Variants in KIF21A observed in about 807,000 individuals in gnomAD.
The protein encoded by KIF21A is kinesin family member 21A.
In KIF21A, 114 loss-of-function variants were observed where a neutral mutation model predicts 202.9. That is an observed-to-expected ratio of 0.56 (90% CI 0.48 to 0.66). The LOEUF (loss-of-function observed/expected upper bound fraction) is 0.66, where lower values mean the gene tolerates loss of function less well. Ranked by LOEUF, KIF21A falls within the 30% of genes least tolerant of loss-of-function variation. The pLI is 0.00. For missense variants in KIF21A, 1,677 were observed against 1,994.9 expected (o/e 0.84, Z 3.04); for synonymous variants, 667 against 670.8 (o/e 0.99, Z 0.09).
At chr12:39,301,353 TAAAAC>T in intron 37 of KIF21A, 122 bp downstream of exon 37, 1 of 868,440 alleles carries the variant, frequency 1.2e-6, no homozygotes. Context: ...TAAGACATCT[TAAAAC>T]AGACATTAGA....
intron 33 of KIF21A, among the ~76,000 whole-genome samples, 173 bp downstream of exon 33, chr12:39,309,413 T>G (rs572414089): frequency 2.4e-4 from 37 of 152,158 alleles, no homozygotes; most frequent in African/African-American, 8.4e-4. Context: ...TTGTCAAATT[T>G]TCCCCCCTCT....
At chr12:39,405,395 T>C (rs1952504294) in intron 1 of KIF21A, among the ~76,000 whole-genome samples, 2 of 152,042 alleles carry the variant, frequency 1.3e-5, no homozygotes, top group African/African-American at 4.8e-5. Context: ...TAATATTAAA[T>C]GCTATTTTTA....
chr12:39,374,870 C>T (rs1237522905), intron 1 of KIF21A, among the ~76,000 whole-genome samples: 1 of 152,124 alleles, frequency 6.6e-6, no homozygotes, highest in Non-Finnish European at 1.5e-5. Context: ...TTTCCCTATG[C>T]TGGCTTTTAA....
At position 39,318,138 on chromosome 12, in the gene KIF21A, A is replaced by C. The variant is rs758677158; in HGVS notation, c.3843T>G (p.Arg1281=). The C allele has an allele frequency of 6.2e-7, 1 of 1,613,562 alleles. No individual in the cohort carries two copies. ...SPPSSPPSRP[R]NELNVFNRLT... ...GACGATTAAAAACATTCAGTTCATT[A>C]CGGGGCCGGCTTGGTGGGGAAGAAG... Residue 1281 remains arginine (R), a synonymous_variant, in exon 29 of 38, where the codon CGT becomes CGG. Transcript: ENST00000361418.
intron 1 of KIF21A, among the ~76,000 whole-genome samples, chr12:39,431,519 G>T (rs951000386): frequency 6.6e-6 from 1 of 152,114 alleles, no homozygotes; most frequent in Non-Finnish European, 1.5e-5. Context: ...ACACTAATGG[G>T]TTGGTGGAAC....
intron 35 of KIF21A, among the ~76,000 whole-genome samples, chr12:39,304,464 T>G (rs1322768107): frequency 6.6e-6 from 1 of 152,226 alleles, no homozygotes; most frequent in Non-Finnish European, 1.5e-5. Context: ...AAATTTAACA[T>G]TTTTAGAATC....
intron 1 of KIF21A, among the ~76,000 whole-genome samples, chr12:39,417,712 A>G (rs1329702214): frequency 6.6e-6 from 1 of 152,112 alleles, no homozygotes; most frequent in African/African-American, 2.4e-5. Context: ...TTATGACACT[A>G]TTATATTCGG....
intron 1 of KIF21A, among the ~76,000 whole-genome samples, chr12:39,379,283 G>A (rs940544613): frequency 3.3e-5 from 5 of 150,604 alleles, no homozygotes; most frequent in East Asian, 2.0e-4. Flanking sequence ...AGCCGAGATC[G>A]TGCCACTGCA....
At chr12:39,381,894 T>C (rs1950640633) in intron 1 of KIF21A, among the ~76,000 whole-genome samples, 1 of 152,208 alleles carries the variant, frequency 6.6e-6, no homozygotes, top group South Asian at 2.1e-4. Context: ...ATGAGACATA[T>C]TTCTGCTGGA....
intron 31 of KIF21A, among the ~76,000 whole-genome samples, chr12:39,314,187 T>A (rs945777792): frequency 6.6e-6 from 1 of 151,646 alleles, no homozygotes; most frequent in Non-Finnish European, 1.5e-5. Flanking sequence ...GTGATAGGAG[T>A]TTCTTATCCC....
At chr12:39,395,902 G>A (rs1007010104) in intron 1 of KIF21A, among the ~76,000 whole-genome samples, 22 of 140,668 alleles carry the variant, frequency 1.6e-4, no homozygotes, top group African/African-American at 2.7e-4. Flanking sequence ...CCTTCCCCCC[G>A]CCTCTCCTCT....
chr12:39,393,222 T>A (rs1361784077), intron 1 of KIF21A, among the ~76,000 whole-genome samples: 2 of 151,878 alleles, frequency 1.3e-5, no homozygotes, highest in Non-Finnish European at 2.9e-5. Flanking sequence ...GGCACCAGAC[T>A]TGGTCTGACT....
intron 37 of KIF21A, among the ~76,000 whole-genome samples, chr12:39,300,001 T>C (rs1942815245): frequency 6.6e-6 from 1 of 152,002 alleles, no homozygotes; most frequent in Non-Finnish European, 1.5e-5. Context: ...AACTATTGGA[T>C]ACTAGGCTTA....
At chr12:39,421,731 A>T (rs1954287297) in intron 1 of KIF21A, among the ~76,000 whole-genome samples, 1 of 140,678 alleles carries the variant, frequency 7.1e-6, no homozygotes, top group Non-Finnish European at 1.5e-5. Flanking sequence ...ATTTATATAT[A>T]TATATATATA....
intron 12 of KIF21A, among the ~76,000 whole-genome samples, chr12:39,342,394 C>T (rs1188544959): frequency 3.9e-5 from 6 of 152,176 alleles, no homozygotes; most frequent in Non-Finnish European, 5.9e-5. Flanking sequence ...GAGACCTCGA[C>T]ACCCCTAAGA....
chr12:39,437,039 C>T (rs897140913), intron 1 of KIF21A, among the ~76,000 whole-genome samples: 1 of 152,084 alleles, frequency 6.6e-6, no homozygotes, highest in Non-Finnish European at 1.5e-5. Flanking sequence ...ATTTATAAGT[C>T]CGAGACTCAT....
At chr12:39,402,262 C>T (rs1390876281) in intron 1 of KIF21A, among the ~76,000 whole-genome samples, 1 of 152,136 alleles carries the variant, frequency 6.6e-6, no homozygotes, top group Non-Finnish European at 1.5e-5. Context: ...GCCACCACCA[C>T]CACAACTTGG....
At position 39,328,726 on chromosome 12, in the gene KIF21A, A is replaced by G. The variant is rs550113903; in HGVS notation, c.3340+1516T>C. Reference sequence around the variant, plus strand: ...CCTGTTTGTAGGCCTCAGGCACACAAAAGTGTGGCTAAATTCCTATGCCTT... The same window carrying G: ...CCTGTTTGTAGGCCTCAGGCACACAGAAGTGTGGCTAAATTCCTATGCCTT... On this transcript the variant is annotated intron_variant, in intron 24 of 37. Coordinates refer to ENST00000361418, the MANE Select transcript of KIF21A (RefSeq NM_001173464.2). Among the ~76,000 whole-genome samples the G allele has an allele frequency of 5.3e-4, 80 of 152,274 alleles. 3 individuals are homozygous for G. The South Asian group carries it at 0.016, about 31-fold the overall frequency.
intron 1 of KIF21A, among the ~76,000 whole-genome samples, chr12:39,430,422 C>T (rs920888076): frequency 6.6e-6 from 1 of 151,564 alleles, no homozygotes; most frequent in Non-Finnish European, 1.5e-5. Context: ...AAAAATTAGC[C>T]GGGCTTGGTG....
Sources: allele counts gnomAD v4.1 joint callset (sites outside exome capture counted in the v4.1 genomes callset), GRCh38; gene constraint gnomAD v4.1.1; transcripts MANE v1.5; gene names NCBI Gene and HGNC (gene_info 2026-07-23, HGNC 2026-07-21).